The following ZNF585B variants were observed in gnomAD, a reference collection of about 807,000 sequenced individuals.
ZNF585B encodes the protein zinc finger protein 585B.
A neutral mutation model predicts 14.0 loss-of-function variants in ZNF585B; 7 were observed. The observed-to-expected ratio is 0.50, with a 90% CI of 0.28 to 0.94. The LOEUF (loss-of-function observed/expected upper bound fraction) is 0.94. Among genes scored for constraint, ZNF585B ranks in the 40% least tolerant of loss-of-function variants. ZNF585B has a pLI of 0.09. For missense variants in ZNF585B, 750 were observed against 924.4 expected (o/e 0.81, Z 2.45); for synonymous variants, 290 against 317.3 (o/e 0.91, Z 0.91).
In ZNF585B at chr19:37,200,289, C is replaced by T. The variant is rs566159596; in HGVS notation, c.72+6751G>A. Among the ~76,000 whole-genome samples the T allele has an allele frequency of 5.9e-4, 89 of 150,424 alleles. 1 individual carries two copies. Among genetic ancestry groups the T allele is most frequent in the African/African-American group, 1.7e-3 (71 of 41,024 alleles). On this transcript the variant is annotated intron_variant, in intron 2 of 4. Transcript: ENST00000532828. The stretch of plus-strand genomic sequence containing the variant: ...AAGGTAGGCCAGGCACGGTGGCTCA[C>T]GCCTCTAATCCCAGCACTTTGGGAG...
At position 37,184,994 on chromosome 19, in the gene ZNF585B, C is replaced by T. The variant is rs1360885168; in HGVS notation, c.*233G>A. On this transcript the variant is annotated 3_prime_UTR_variant, in exon 5 of 5. Transcript: ENST00000532828. ...GCTTTTCCTATTCACCAAATTGACT[C>T]GGTTCCTTGTCAGTATGAATAATGA... 8.7e-6 allele frequency: 4 copies of T among 457,578 alleles called. No homozygotes were observed. Among genetic ancestry groups the T allele is most frequent in the African/African-American group, 4.0e-5 (2 of 50,536 alleles). The allele number at this position is 457,578 out of a possible 1,614,324, so 28.3% of individuals were successfully genotyped here.
In ZNF585B at chr19:37,184,508, A is replaced by AAGAAAGAAAAAGAAAG. The variant is rs1568505137; in HGVS notation, c.*718_*719insCTTTCTTTTTCTTTCT. 5.0e-5 allele frequency: 7 copies of AAGAAAGAAAAAGAAAG among 140,932 alleles called. No homozygotes were observed. Among genetic ancestry groups the AAGAAAGAAAAAGAAAG allele is most frequent in the African/African-American group, 1.6e-4 (6 of 37,208 alleles). The allele number at this position is 140,932 out of a possible 1,614,324, so 8.7% of individuals were successfully genotyped here. A position where few individuals can be genotyped will look rare whatever the true frequency, so the allele number is the denominator to read the frequency against. On this transcript the variant is annotated 3_prime_UTR_variant, in exon 5 of 5. Transcript: ENST00000532828. ...AGAAAGAAAGAAAGAAAGAAAGAGA[A>AAGAAAGAAAAAGAAAG]AGAAAGAAAGAAAAAGAAAAAACAC...
chr19:37,186,927 G>A lies in ZNF585B; in HGVS notation c.610C>T (p.His204Tyr). The A allele has an allele frequency of 6.2e-7, 1 of 1,614,106 alleles. No homozygotes were observed. Among genetic ancestry groups the A allele is most frequent in the Non-Finnish European group, 8.5e-7 (1 of 1,180,022 alleles). Residue 204 changes from histidine (H) to tyrosine (Y), a missense_variant, in exon 5 of 5, where the codon CAT (histidine) becomes TAT (tyrosine). Physicochemically the swap from His to Tyr is moderately conservative, Grantham distance 83. Around this residue, in one of 2 missense-constraint regions of ZNF585B, gnomAD observed 517 missense variants for 570.3 expected, o/e 0.91. Coordinates refer to ENST00000532828, the MANE Select transcript of ZNF585B (RefSeq NM_152279.4). ...SFFQVSSLFR[H>Y]HRIHTGEKLY... is the part of the protein sequence containing the mutation. ...TTTTCTCCGGTATGAATTCTGTGAT[G>A]CCTGAAAAGAGACGATACTTGAAAA...
chr19:37,193,769 G>A (rs1426897220), intron 2 of ZNF585B, among the ~76,000 whole-genome samples: 1 of 152,150 alleles, frequency 6.6e-6, no homozygotes, highest in Non-Finnish European at 1.5e-5. Context: ...GACAGAGGGA[G>A]ACCCTGTCTC....
At chr19:37,199,173 A>T (rs1972504336) in intron 2 of ZNF585B, 2 of 511,944 alleles carry the variant, frequency 3.9e-6, no homozygotes. Flanking sequence ...TAGTAGGAAC[A>T]CGAGATGTCA....
At chr19:37,196,204 T>C (rs945159149) in intron 2 of ZNF585B, among the ~76,000 whole-genome samples, 2 of 152,114 alleles carry the variant, frequency 1.3e-5, no homozygotes, top group African/African-American at 4.8e-5. Context: ...TAATTTTAGG[T>C]ACAAACATCC....
intron 2 of ZNF585B, among the ~76,000 whole-genome samples, chr19:37,206,011 C>A (rs1972581475): frequency 1.3e-5 from 2 of 152,056 alleles, no homozygotes; most frequent in South Asian, 4.1e-4. Context: ...ACCTGGATGG[C>A]AGAGGTTGCA....
chr19:37,201,680 G>T (rs1972532088), intron 2 of ZNF585B, among the ~76,000 whole-genome samples: 1 of 152,106 alleles, frequency 6.6e-6, no homozygotes, highest in African/African-American at 2.4e-5. Context: ...ATTAAAAGTA[G>T]AATATTTTAA....
chr19:37,187,881 C>A (rs1972356668), intron 4 of ZNF585B, among the ~76,000 whole-genome samples: 3 of 152,100 alleles, frequency 2.0e-5, no homozygotes, highest in Admixed American at 2.0e-4. Context: ...ACAGATAACA[C>A]CATGGATAGA....
Position 37,207,268 on chromosome 19 carries a change from G to A in ZNF585B, c.-143-14C>T. The A allele has an allele frequency of 7.0e-7, 1 of 1,437,310 alleles. No individual in the cohort carries two copies. Among genetic ancestry groups the A allele is most frequent in the Non-Finnish European group, 9.1e-7 (1 of 1,096,164 alleles). 89.0% of individuals were successfully genotyped at this position (1,437,310 alleles called of 1,614,324 possible). On this transcript the variant is annotated splice_polypyrimidine_tract_variant and intron_variant, in intron 1 of 4. Transcript: ENST00000532828. ...ACACCCAAGAACCTAGAAAAACAAT[G>A]TCCACGTAGTCATTCAACATTCACT...
chr19:37,186,940 C>A lies in ZNF585B; in HGVS notation c.597G>T (p.Ser199=), dbSNP rs73624816. The A allele has an allele frequency of 3.1e-6, 5 of 1,613,728 alleles. No individual in the cohort carries two copies. The East Asian group carries it at 6.7e-5, about 22-fold the overall frequency. The change falls in exon 5 of 5, where the codon TCG becomes TCT. Residue 199 remains serine, a synonymous_variant. Transcript: ENST00000532828. Reference sequence around the variant, plus strand: ...GAATTCTGTGATGCCTGAAAAGAGACGATACTTGAAAAAAGGATTTTCCAC... The same window carrying A: ...GAATTCTGTGATGCCTGAAAAGAGAAGATACTTGAAAAAAGGATTTTCCAC... The part of the protein sequence containing the change: ...NECGKSFFQV[S]SLFRHHRIHT...
chr19:37,191,489 G>A (rs189385368), intron 2 of ZNF585B, among the ~76,000 whole-genome samples: 257 of 152,036 alleles, frequency 1.7e-3, no homozygotes, highest in Non-Finnish European at 3.0e-3. Context: ...CTGGTGGCAC[G>A]TGCCTGTAGT....
chr19:37,189,883 A>G, intron 3 of ZNF585B, 130 bp from the exon 4 acceptor site: 1 of 1,557,720 alleles, frequency 6.4e-7, no homozygotes. Flanking sequence ...TAATATTCTG[A>G]GTACCCTAAA....
chr19:37,209,801 C>T (rs890641877), intron 1 of ZNF585B, among the ~76,000 whole-genome samples: 3 of 150,574 alleles, frequency 2.0e-5, no homozygotes, highest in Non-Finnish European at 3.0e-5. Flanking sequence ...CCGCAAGCTC[C>T]GCCTCCCGGG....
intron 2 of ZNF585B, among the ~76,000 whole-genome samples, chr19:37,196,329 A>C (rs1414781163): frequency 6.6e-6 from 1 of 152,206 alleles, no homozygotes; most frequent in Non-Finnish European, 1.5e-5. Flanking sequence ...TGGATCTATA[A>C]TTATTTCAAA....
At chr19:37,201,262 T>G (rs1430663989) in intron 2 of ZNF585B, among the ~76,000 whole-genome samples, 1 of 152,090 alleles carries the variant, frequency 6.6e-6, no homozygotes, top group Admixed American at 6.6e-5. Flanking sequence ...AAATTAAATA[T>G]GACAAGGACA....
intron 2 of ZNF585B, among the ~76,000 whole-genome samples, chr19:37,203,766 T>C: frequency 6.6e-6 from 1 of 152,120 alleles, no homozygotes; most frequent in Non-Finnish European, 1.5e-5. Flanking sequence ...GTAGCTGGGA[T>C]TACAGGCATG....
At chr19:37,210,388 C>T (rs1266171741) in intron 1 of ZNF585B, 53 bp downstream of exon 1, 1 of 152,394 alleles carries the variant, frequency 6.6e-6, no homozygotes, top group Non-Finnish European at 1.5e-5. Context: ...ATCACTAATT[C>T]CACAGACAAC....
Position 37,193,387 on chromosome 19 carries a change from C to A in ZNF585B, c.73-3237G>T, listed in dbSNP as rs967164605. 4.0e-5 allele frequency among the ~76,000 whole-genome samples: 6 copies of A among 150,688 alleles called. No homozygotes were observed. In the South Asian group the frequency reaches 1.3e-3, roughly 32 times the overall value. ...TCAGGAGGCTGAGGCAGGAGAATGG[C>A]GTGAACCCGGGAGGCAGAGCTTGCA... On this transcript the variant is annotated intron_variant, in intron 2 of 4. Transcript: ENST00000532828.
Sources: allele counts gnomAD v4.1 joint callset (sites outside exome capture counted in the v4.1 genomes callset), GRCh38; gene constraint gnomAD v4.1.1; regional missense constraint gnomAD v4.1.1; transcripts MANE v1.5; gene names NCBI Gene and HGNC (gene_info 2026-07-23, HGNC 2026-07-21).